Variants in CC2D2B observed in about 807,000 individuals in gnomAD.
CC2D2B encodes protein CC2D2B.
CC2D2B carries 128 observed loss-of-function variants against 161.2 expected under a neutral mutation model. The observed-to-expected ratio is 0.79, with a 90% CI of 0.69 to 0.92. The LOEUF is 0.92. CC2D2B is among the 40% of genes least tolerant of loss of function. The probability of loss-of-function intolerance (pLI) is 0.00; values close to 1 mark genes in which losing one functional copy is unlikely to be tolerated. For synonymous variants in CC2D2B, 391 were observed against 449.8 expected (o/e 0.87, Z 1.65); for missense variants, 1,173 against 1,375.1 (o/e 0.85, Z 2.32).
At position 95,924,396 on chromosome 10, in the gene CC2D2B, G is replaced by T; in HGVS notation, c.174+6G>T. On this transcript the variant is annotated splice_donor_region_variant and intron_variant, in intron 4 of 34. Coordinates refer to ENST00000646931, the MANE Select transcript of CC2D2B (RefSeq NM_001349008.3). The stretch of plus-strand genomic sequence containing the variant: ...AAAAGCTAAAAATTTCTAAGGTAAT[G>T]CTTTTTAAAATTTCCTGTTTTCAAA... 1.4e-6 allele frequency: 2 copies of T among 1,446,158 alleles called. No individual in the cohort carries two copies. The highest frequency in any genetic ancestry group is 1.9e-6 in the Non-Finnish European group (2 of 1,073,756). The allele number at this position is 1,446,158 out of a possible 1,614,324, so 89.6% of individuals were successfully genotyped here.
chr10:96,028,968 G>A (rs1407614029), intron 34 of CC2D2B, among the ~76,000 whole-genome samples: 2 of 151,916 alleles, frequency 1.3e-5, no homozygotes, highest in Non-Finnish European at 2.9e-5. Flanking sequence ...GCTTACCAGA[G>A]GCTGGGAAGG....
At chr10:95,964,070 G>A (rs1347323681) in intron 12 of CC2D2B, among the ~76,000 whole-genome samples, 1 of 152,130 alleles carries the variant, frequency 6.6e-6, no homozygotes, top group Non-Finnish European at 1.5e-5. Flanking sequence ...CTCTCTGTTT[G>A]GCACTGCCTA....
chr10:95,984,140 C>T (rs2077628882), intron 19 of CC2D2B, among the ~76,000 whole-genome samples: 2 of 152,144 alleles, frequency 1.3e-5, no homozygotes, highest in African/African-American at 4.8e-5. Context: ...GGGGGAGAGA[C>T]ACTACCACAG....
intron 6 of CC2D2B, among the ~76,000 whole-genome samples, chr10:95,935,564 T>TC (rs1023502565): frequency 1.3e-5 from 2 of 151,794 alleles, no homozygotes; most frequent in Non-Finnish European, 2.9e-5. Context: ...GGGGACCTGG[T>TC]CCCCTTAGCA....
At chr10:95,921,388 G>C (rs771826027) in intron 2 of CC2D2B, 2 of 152,258 alleles carry the variant, frequency 1.3e-5, no homozygotes, top group Non-Finnish European at 2.9e-5. Context: ...CTGGGGATGA[G>C]AGAGAGGTGG....
At chr10:95,954,986 G>A (rs1047967748) in intron 10 of CC2D2B, among the ~76,000 whole-genome samples, 7 of 151,972 alleles carry the variant, frequency 4.6e-5, no homozygotes, top group African/African-American at 1.7e-4. Context: ...CATAAAGATA[G>A]TTATCAATAT....
Position 95,995,261 on chromosome 10 carries a change from T to C in CC2D2B, c.2643-8T>C. The stretch of plus-strand genomic sequence containing the variant: ...AAGGTGTATGTCTCTCTATTGTTTT[T>C]CCTGAAGATCCTTGGATATGCCTAC... On this transcript the variant is annotated splice_polypyrimidine_tract_variant and splice_region_variant and intron_variant, in intron 22 of 34. Coordinates refer to ENST00000646931, the MANE Select transcript of CC2D2B (RefSeq NM_001349008.3). 6.7e-7 allele frequency: 1 copy of C among 1,487,106 alleles called. No individual in the cohort carries two copies. Among genetic ancestry groups the C allele is most frequent in the Admixed American group, 2.2e-5 (1 of 46,110 alleles). The allele number at this position is 1,487,106 out of a possible 1,614,324, so 92.1% of individuals were successfully genotyped here.
chr10:95,947,113 ATTTTTTTTTTTTT>A (rs753866384), intron 9 of CC2D2B, among the ~76,000 whole-genome samples: 1,577 of 47,838 alleles, frequency 0.033, 91 homozygotes, highest in Middle Eastern at 0.069. Context: ...ATATATATAT[ATTTTTTTTTTTTT>A]TTTTGAGACA....
At chr10:95,965,808 TGTG>T in intron 12 of CC2D2B, 85 bp from the exon 13 acceptor site, 2 of 392,046 alleles carry the variant, frequency 5.1e-6, no homozygotes, top group East Asian at 7.3e-5. Context: ...TGTGTGTGTG[TGTG>T]TGTGTGTGTG....
intron 6 of CC2D2B, among the ~76,000 whole-genome samples, chr10:95,935,946 A>C (rs1590433008): frequency 6.6e-6 from 1 of 152,312 alleles, no homozygotes; most frequent in African/African-American, 2.4e-5. Context: ...TTAGGCACAC[A>C]ATGAATATTT....
At chr10:95,921,916 G>A in intron 2 of CC2D2B, 100 bp from the exon 3 acceptor site, 1 of 631,478 alleles carries the variant, frequency 1.6e-6, no homozygotes, top group Admixed American at 3.1e-5. Flanking sequence ...TGCATGTTGT[G>A]CACATGTACC....
chr10:96,019,615 A>G (rs1034467527), intron 31 of CC2D2B, 87 bp from the exon 32 acceptor site: 14 of 1,305,922 alleles, frequency 1.1e-5, no homozygotes, highest in Non-Finnish European at 1.4e-5. Flanking sequence ...TTGAGTAGTA[A>G]GACTGTAAAA....
chr10:95,925,595 A>G (rs10882690), intron 5 of CC2D2B, among the ~76,000 whole-genome samples: 94,986 of 152,004 alleles, frequency 0.62, 30,265 homozygotes, highest in Admixed American at 0.7. Context: ...CATATTTTTA[A>G]AGAGTTATAT....
intron 1 of CC2D2B, among the ~76,000 whole-genome samples, chr10:95,909,787 T>G (rs4918976): frequency 0.26 from 39,885 of 152,104 alleles, 6,139 homozygotes; most frequent in Admixed American, 0.36. Context: ...GACTGAAAAT[T>G]GTGCCAAAAA....
chr10:95,983,508 A>G (rs1230267127), intron 18 of CC2D2B, 98 bp from the exon 19 acceptor site: 1 of 461,292 alleles, frequency 2.2e-6, no homozygotes, highest in African/African-American at 2.0e-5. Context: ...TCCTACTTAT[A>G]TTGCCACTCA....
At chr10:95,942,735 T>C (rs2076064601) in intron 9 of CC2D2B, among the ~76,000 whole-genome samples, 1 of 152,140 alleles carries the variant, frequency 6.6e-6, no homozygotes, top group Non-Finnish European at 1.5e-5. Flanking sequence ...TTTCTATTTT[T>C]ATCTGGTTTT....
chr10:95,939,113 A>G (rs2075931152), intron 9 of CC2D2B, among the ~76,000 whole-genome samples, 188 bp downstream of exon 9: 1 of 152,142 alleles, frequency 6.6e-6, no homozygotes, highest in South Asian at 2.1e-4. Flanking sequence ...ATATGGGGAA[A>G]TGCTCAAAAT....
At chr10:95,919,256 C>T (rs1055710918) in intron 2 of CC2D2B, 4 of 152,168 alleles carry the variant, frequency 2.6e-5, no homozygotes, top group African/African-American at 9.7e-5. Context: ...TTGTACCCAA[C>T]TTTCTAGAGA....
intron 19 of CC2D2B, 24 bp downstream of exon 19, chr10:95,983,833 G>A: frequency 9.6e-7 from 1 of 1,045,394 alleles, no homozygotes; most frequent in South Asian, 4.9e-5. Flanking sequence ...ATTTGAATAT[G>A]GCTTATTGTA....
Sources: gnomAD v4.1 joint callset for allele counts (sites outside exome capture counted in the v4.1 genomes callset) on GRCh38, gnomAD v4.1.1 for gene constraint, MANE v1.5 for transcripts, NCBI Gene and HGNC (gene_info 2026-07-23, HGNC 2026-07-21) for gene names.